The following RBPJ variants were observed in gnomAD, a reference collection of about 807,000 sequenced individuals.
RBPJ encodes the protein recombination signal binding protein for immunoglobulin kappa J region.
In RBPJ, 9 loss-of-function variants were observed where a neutral mutation model predicts 67.8. That is an observed-to-expected ratio of 0.13 (90% confidence interval 0.08 to 0.23). The LOEUF (loss-of-function observed/expected upper bound fraction) is 0.23, where lower values mean the gene tolerates loss of function less well. RBPJ is among the 10% of genes least tolerant of loss of function. RBPJ has a pLI of 1.00. For missense variants in RBPJ, 305 were observed against 595.6 expected, an observed-to-expected ratio of 0.51 and a Z score of 5.08; for synonymous variants, 198 against 203.3, an observed-to-expected ratio of 0.97 and a Z score of 0.22.
chr4:26,255,733 C>T (rs1321174765), intron 1 of RBPJ, among the ~76,000 whole-genome samples: 1 of 147,154 alleles, frequency 6.8e-6, no homozygotes, highest in African/African-American at 2.5e-5. Flanking sequence ...ACCCGGGAGG[C>T]AGAGCTTGCA....
At chr4:26,335,474 C>T (rs1378208949) in intron 1 of RBPJ, among the ~76,000 whole-genome samples, 1 of 151,912 alleles carries the variant, frequency 6.6e-6, no homozygotes, top group Non-Finnish European at 1.5e-5. Flanking sequence ...GCCACCGTGC[C>T]CGGCCTGCAT....
At chr4:26,344,579 C>T (rs1437483615) in intron 1 of RBPJ, among the ~76,000 whole-genome samples, 2 of 152,156 alleles carry the variant, frequency 1.3e-5, no homozygotes, top group Non-Finnish European at 1.5e-5. Flanking sequence ...AAAGACATCA[C>T]CTGGAGCTGA....
intron 1 of RBPJ, among the ~76,000 whole-genome samples, chr4:26,181,532 T>C (rs925207795): frequency 1.3e-5 from 2 of 152,158 alleles, no homozygotes; most frequent in African/African-American, 4.8e-5. Flanking sequence ...CCCTTAATGA[T>C]GGGGATATGT....
At chr4:26,201,156 C>T (rs1265469909) in intron 1 of RBPJ, among the ~76,000 whole-genome samples, 1 of 152,212 alleles carries the variant, frequency 6.6e-6, no homozygotes, top group East Asian at 1.9e-4. Context: ...TAAAGCTCCC[C>T]TCCACAAATG....
At chr4:26,320,185 T>C (rs1722869840), upstream of RBPJ, among the ~76,000 whole-genome samples, 1 of 152,254 alleles carries the variant, frequency 6.6e-6, no homozygotes, top group Non-Finnish European at 1.5e-5. Context: ...TGGGAGAATG[T>C]GGCTCTCAAT....
chr4:26,406,124 T>A, intron 2 of RBPJ, 51 bp from the exon 3 acceptor site: 1 of 1,206,254 alleles, frequency 8.3e-7, no homozygotes, highest in Non-Finnish European at 1.2e-6. Context: ...TGATGAAAGA[T>A]TTCATCAAGA....
At chr4:26,393,840 TAAA>T (rs968876972) in intron 2 of RBPJ, among the ~76,000 whole-genome samples, 1 of 147,518 alleles carries the variant, frequency 6.8e-6, no homozygotes, top group African/African-American at 2.5e-5. Context: ...TTTTATTCCT[TAAA>T]AAAAAAAATC....
upstream of RBPJ, among the ~76,000 whole-genome samples, chr4:26,162,898 T>C (rs1388555589): frequency 6.6e-6 from 1 of 151,346 alleles, no homozygotes; most frequent in Non-Finnish European, 1.5e-5. Context: ...GAAGGGCCTG[T>C]TATAGATGGT....
chr4:26,145,288 A>G, the RBPJ span, among the ~76,000 whole-genome samples: 1 of 152,148 alleles, frequency 6.6e-6, no homozygotes, highest in Non-Finnish European at 1.5e-5. Flanking sequence ...GCAGAATTTC[A>G]TAGCCATTTA....
At chr4:26,362,066 A>AT (rs1560294337) in intron 1 of RBPJ, among the ~76,000 whole-genome samples, 1 of 152,218 alleles carries the variant, frequency 6.6e-6, no homozygotes, top group African/African-American at 2.4e-5. Flanking sequence ...TGCCTAGTCT[A>AT]TTAATCAGTT....
chr4:26,392,987 A>G (rs1731685887), intron 2 of RBPJ, among the ~76,000 whole-genome samples: 1 of 152,048 alleles, frequency 6.6e-6, no homozygotes, highest in Non-Finnish European at 1.5e-5. Flanking sequence ...AGGCTAGAGT[A>G]CAGGTGCCTG....
intron 1 of RBPJ, among the ~76,000 whole-genome samples, chr4:26,248,206 G>C (rs1264854908): frequency 6.6e-6 from 1 of 152,012 alleles, no homozygotes; most frequent in Non-Finnish European, 1.5e-5. Flanking sequence ...CAGGAGAATC[G>C]CTTGAACCTG....
intron 1 of RBPJ, among the ~76,000 whole-genome samples, chr4:26,244,247 G>A (rs7680447): frequency 0.32 from 972 of 2,996 alleles, 120 homozygotes; most frequent in African/African-American, 0.45. Context: ...CTATATATGT[G>A]TACACATACA....
rs1054104372 is a variant in RBPJ, at chr4:26,311,349, T to C, written c.-166-51097T>C. Among the ~76,000 whole-genome samples the C allele has an allele frequency of 2.0e-5, 3 of 152,032 alleles. 1 individual carries two copies. The South Asian group carries it at 6.2e-4, about 31-fold the overall frequency. ...GTGAGGAGTTGGAAACCAGCCTGGC[T>C]AACATGATCAATTCCTATCTCTACT... On this transcript the variant is annotated intron_variant, in intron 1 of 4. Coordinates refer to the RBPJ transcript ENST00000512351.
intron 1 of RBPJ, among the ~76,000 whole-genome samples, chr4:26,340,934 A>C (rs1725458768): frequency 1.3e-5 from 2 of 152,178 alleles, no homozygotes; most frequent in African/African-American, 4.8e-5. Context: ...ATAAAGGAAA[A>C]AAATCATTTT....
chr4:26,289,918 C>T (rs920391971), intron 1 of RBPJ, among the ~76,000 whole-genome samples: 6 of 150,606 alleles, frequency 4.0e-5, no homozygotes. Context: ...GTTAATTTGT[C>T]TTGGCATCTT....
At chr4:26,350,868 A>G (rs570163518) in intron 1 of RBPJ, among the ~76,000 whole-genome samples, 134 of 152,256 alleles carry the variant, frequency 8.8e-4, no homozygotes, top group African/African-American at 3.1e-3. Flanking sequence ...TAAATGAATG[A>G]TTTGCTTTTA....
At chr4:26,122,172 C>G in the RBPJ span, among the ~76,000 whole-genome samples, 2 of 152,114 alleles carry the variant, frequency 1.3e-5, no homozygotes, top group East Asian at 3.9e-4. Flanking sequence ...CACATAAACC[C>G]CAATGAGGAT....
chr4:26,141,454 C>A, the RBPJ span, among the ~76,000 whole-genome samples: 1 of 152,338 alleles, frequency 6.6e-6, no homozygotes, highest in Non-Finnish European at 1.5e-5. Flanking sequence ...CAAGCCAGGC[C>A]CGGAACGCCC....
Sources: gnomAD v4.1 joint callset for allele counts (sites outside exome capture counted in the v4.1 genomes callset) on GRCh38, gnomAD v4.1.1 for gene constraint, MANE v1.5 for transcripts, NCBI Gene and HGNC (gene_info 2026-07-23, HGNC 2026-07-21) for gene names.